The following BTRC variants were observed in gnomAD, a reference collection of about 807,000 sequenced individuals.
The protein encoded by BTRC is F-box/WD repeat-containing protein 1A.
BTRC carries 42 observed loss-of-function variants against 85.5 expected under a neutral mutation model. That is an observed-to-expected ratio of 0.49 (90% CI 0.38 to 0.64). BTRC has a LOEUF of 0.64. Ranked by LOEUF, BTRC falls within the 30% of genes least tolerant of loss-of-function variation. The probability of loss-of-function intolerance (pLI) is 0.00; values close to 1 mark genes in which losing one functional copy is unlikely to be tolerated. For synonymous variants in BTRC, 255 were observed against 263.3 expected, an observed-to-expected ratio of 0.97 and a Z score of 0.30; for missense variants, 594 against 743.5, an observed-to-expected ratio of 0.80 and a Z score of 2.34.
intron 2 of BTRC, among the ~76,000 whole-genome samples, chr10:101,461,275 T>A (rs980583671): frequency 1.3e-5 from 2 of 152,194 alleles, no homozygotes; most frequent in African/African-American, 4.8e-5. Context: ...TCAAATAATA[T>A]GTAATTTGGA....
chr10:101,477,888 G>A (rs1346651675), intron 3 of BTRC, among the ~76,000 whole-genome samples: 1 of 152,026 alleles, frequency 6.6e-6, no homozygotes, highest in Non-Finnish European at 1.5e-5. Flanking sequence ...GAGCTCAGGC[G>A]ATCTTCCCAC....
intron 13 of BTRC, among the ~76,000 whole-genome samples, chr10:101,549,292 G>A (rs190468319): frequency 2.0e-4 from 30 of 150,342 alleles, no homozygotes; most frequent in African/African-American, 7.3e-4. Flanking sequence ...AAAGCCAGGT[G>A]TGGTGGCATG....
At chr10:101,440,095 A>G (rs1564773901) in intron 2 of BTRC, among the ~76,000 whole-genome samples, 1 of 152,244 alleles carries the variant, frequency 6.6e-6, no homozygotes. Context: ...ATATGGAAGA[A>G]ACATTATGCT....
chr10:101,518,286 T>C lies in BTRC; in HGVS notation c.325-3353T>C, dbSNP rs1434287049. ...AAAGGACCACATAGCAGTGGTCCTT[T>C]TAAACGGTGTCAGATTGTGTCGCTA... On this transcript the variant is annotated intron_variant, in intron 4 of 14. Transcript: ENST00000370187. Among the ~76,000 whole-genome samples the C allele has an allele frequency of 2.0e-5, 3 of 152,298 alleles. No individual in the cohort carries two copies. In the East Asian group the frequency reaches 5.8e-4, roughly 29 times the overall value.
chr10:101,374,452 A>C (rs1259596866), intron 1 of BTRC, among the ~76,000 whole-genome samples: 1 of 150,948 alleles, frequency 6.6e-6, no homozygotes, highest in Non-Finnish European at 1.5e-5. Context: ...CTATGCAGCC[A>C]TAAAAAATGA....
At chr10:101,487,421 A>G (rs1022213454) in intron 4 of BTRC, among the ~76,000 whole-genome samples, 4 of 152,228 alleles carry the variant, frequency 2.6e-5, no homozygotes, top group Non-Finnish European at 5.9e-5. Context: ...GCTGAAACAA[A>G]TGCAGCCTTC....
chr10:101,533,093 T>C (rs1201637746), intron 9 of BTRC, 23 bp downstream of exon 9: 1 of 1,526,096 alleles, frequency 6.6e-7, no homozygotes, highest in African/African-American at 1.4e-5. Flanking sequence ...AAATGCTTTT[T>C]TGAACTCTGA....
At chr10:101,384,606 A>T (rs1260513394) in intron 1 of BTRC, among the ~76,000 whole-genome samples, 1 of 152,208 alleles carries the variant, frequency 6.6e-6, no homozygotes, top group Non-Finnish European at 1.5e-5. Flanking sequence ...CTAGCAGTTG[A>T]CTAACAGCTT....
At chr10:101,543,043 A>AT (rs2062493426) in intron 13 of BTRC, among the ~76,000 whole-genome samples, 2 of 151,968 alleles carry the variant, frequency 1.3e-5, no homozygotes, top group Non-Finnish European at 2.9e-5. Flanking sequence ...CACCTGGCTA[A>AT]TTTTTTGTAT....
intron 2 of BTRC, among the ~76,000 whole-genome samples, chr10:101,461,074 G>A (rs1945212797): frequency 6.6e-6 from 1 of 151,980 alleles, no homozygotes; most frequent in South Asian, 2.1e-4. Context: ...GGCTAATTTT[G>A]TATTTTTAGT....
chr10:101,375,082 G>A (rs1412213101), intron 1 of BTRC, among the ~76,000 whole-genome samples: 1 of 152,138 alleles, frequency 6.6e-6, no homozygotes, highest in African/African-American at 2.4e-5. Flanking sequence ...ACTTAGCAAG[G>A]GAAGGTGATA....
At chr10:101,534,165 CAGA>C (rs2062346777) in intron 9 of BTRC, among the ~76,000 whole-genome samples, 1 of 152,130 alleles carries the variant, frequency 6.6e-6, no homozygotes, top group Admixed American at 6.5e-5. Flanking sequence ...CTTCAGAACA[CAGA>C]AATGGGGGCT....
chr10:101,521,189 G>A (rs945688545), intron 4 of BTRC, among the ~76,000 whole-genome samples: 4 of 151,702 alleles, frequency 2.6e-5, no homozygotes, highest in African/African-American at 7.3e-5. Flanking sequence ...TGGGAGGATC[G>A]CTTGAGCCCA....
At chr10:101,427,969 G>A (rs527438079) in intron 1 of BTRC, among the ~76,000 whole-genome samples, 1 of 152,238 alleles carries the variant, frequency 6.6e-6, no homozygotes, top group South Asian at 2.1e-4. Flanking sequence ...GAAGTAATAT[G>A]AGTAGAATGT....
At position 101,550,707 on chromosome 10, in the gene BTRC, C is replaced by G; in HGVS notation, c.1665C>G (p.Ser555=). ...TLCLRTLVEH[S]GRVFRLQFDE... ...TGTTTCTACTTCTTTAGGAGCATTCCGGAAGAGTTTTTCGACTACAGTTTG... is the reference window on the plus strand; with the variant it reads ...TGTTTCTACTTCTTTAGGAGCATTCGGGAAGAGTTTTTCGACTACAGTTTG... Residue 555 remains serine, a synonymous_variant, in exon 14 of 15, where the codon TCC becomes TCG. Coordinates refer to ENST00000370187, the MANE Select transcript of BTRC (RefSeq NM_033637.4). The G allele has an allele frequency of 1.9e-6, 3 of 1,611,868 alleles. No individual in the cohort carries two copies. The highest frequency in any genetic ancestry group is 2.5e-6 in the Non-Finnish European group (3 of 1,178,196).
At chr10:101,388,932 T>C (rs1452294287) in intron 1 of BTRC, among the ~76,000 whole-genome samples, 2 of 152,174 alleles carry the variant, frequency 1.3e-5, no homozygotes, top group Non-Finnish European at 2.9e-5. Context: ...CTTGGCCCTC[T>C]TCTCTTTCCT....
chr10:101,361,801 T>C (rs914224928), intron 1 of BTRC, among the ~76,000 whole-genome samples: 1 of 152,222 alleles, frequency 6.6e-6, no homozygotes, highest in Admixed American at 6.5e-5. Context: ...AGATTAATGT[T>C]GAACTAAGAA....
Position 101,371,822 on chromosome 10 carries a change from G to A in BTRC, c.48+17594G>A, listed in dbSNP as rs554900877. 2.0e-4 allele frequency among the ~76,000 whole-genome samples: 31 copies of A among 151,966 alleles called. No individual in the cohort carries two copies. In the South Asian group the frequency reaches 5.0e-3, roughly 24 times the overall value. ...TTTTTGCATATGGTGTGAGGTAGACGTCAGCATTCTTTTTTTTTTTCTTTC... is the reference window on the plus strand; with the variant it reads ...TTTTTGCATATGGTGTGAGGTAGACATCAGCATTCTTTTTTTTTTTCTTTC... On this transcript the variant is annotated intron_variant, in intron 1 of 14. Coordinates refer to ENST00000370187, the MANE Select transcript of BTRC (RefSeq NM_033637.4).
chr10:101,423,617 C>T (rs1944167801), intron 1 of BTRC, among the ~76,000 whole-genome samples: 1 of 152,132 alleles, frequency 6.6e-6, no homozygotes, highest in African/African-American at 2.4e-5. Flanking sequence ...ATTATTTCTG[C>T]CATTGTCATT....
Sources: allele counts gnomAD v4.1 joint callset (sites outside exome capture counted in the v4.1 genomes callset), GRCh38; gene constraint gnomAD v4.1.1; transcripts MANE v1.5; gene names NCBI Gene and HGNC (gene_info 2026-07-23, HGNC 2026-07-21).